Variants in MEP1A observed in about 807,000 individuals in gnomAD.
MEP1A encodes the protein N-benzoyl-L-tyrosyl-P-amino-benzoic acid hydrolase subunit alpha.
Under a neutral mutation model 84.5 loss-of-function variants are expected in MEP1A, and 68 were observed. The observed-to-expected ratio is 0.80, with a 90% CI of 0.66 to 0.98. The LOEUF is 0.98. Ranked by LOEUF, MEP1A falls within the 50% of genes least tolerant of loss-of-function variation. The probability of loss-of-function intolerance (pLI) is 0.00; values close to 1 mark genes in which losing one functional copy is unlikely to be tolerated. For missense variants in MEP1A, 887 were observed against 919.9 expected (o/e 0.96, Z 0.46); for synonymous variants, 337 against 336.8 (o/e 1.00, Z -0.01).
At chr6:46,803,768 C>T (rs1767249583) in intron 5 of MEP1A, among the ~76,000 whole-genome samples, 1 of 151,412 alleles carries the variant, frequency 6.6e-6, no homozygotes, top group Non-Finnish European at 1.5e-5. Context: ...GCTTTACTGC[C>T]TTCTTCAAAT....
intron 10 of MEP1A, among the ~76,000 whole-genome samples, chr6:46,830,247 TAAAAAAAAAAAAAAAA>T (rs56033423): frequency 1.0e-4 from 5 of 50,092 alleles, no homozygotes; most frequent in Middle Eastern, 9.1e-3. Flanking sequence ...AGACTCCATC[TAAAAAAAAAAAAAAAA>T]AAAAAAAAAA....
chr6:46,801,980 A>G (rs1302026465), intron 5 of MEP1A, among the ~76,000 whole-genome samples: 1 of 151,918 alleles, frequency 6.6e-6, no homozygotes, highest in African/African-American at 2.4e-5. Flanking sequence ...CATGTCAAAA[A>G]TCACTATGTT....
chr6:46,806,625 A>G (rs1205972197), intron 5 of MEP1A, among the ~76,000 whole-genome samples: 1 of 151,986 alleles, frequency 6.6e-6, no homozygotes, highest in Non-Finnish European at 1.5e-5. Context: ...AGGGGCTTGG[A>G]GCCTTCTCCC....
At chr6:46,813,441 G>C (rs1562109218) in intron 6 of MEP1A, among the ~76,000 whole-genome samples, 1 of 152,120 alleles carries the variant, frequency 6.6e-6, no homozygotes, top group Non-Finnish European at 1.5e-5. Flanking sequence ...AAGTCTGAAA[G>C]AGTACAAATA....
chr6:46,831,312 A>C (rs1417448272), intron 10 of MEP1A, among the ~76,000 whole-genome samples: 1 of 152,230 alleles, frequency 6.6e-6, no homozygotes. Context: ...CTCCATATGC[A>C]TATCTGTATA....
chr6:46,812,348 G>T (rs1297746782), intron 6 of MEP1A, among the ~76,000 whole-genome samples: 1 of 151,688 alleles, frequency 6.6e-6, no homozygotes, highest in Non-Finnish European at 1.5e-5. Context: ...TGAGCTTATT[G>T]GGATCTTCTG....
chr6:46,843,595 A>T (rs1018081819), downstream of MEP1A, among the ~76,000 whole-genome samples: 1 of 152,226 alleles, frequency 6.6e-6, no homozygotes, highest in Non-Finnish European at 1.5e-5. Flanking sequence ...ATACTAACTA[A>T]CTGCTATTGG....
chr6:46,835,442 C>T lies in MEP1A; in HGVS notation c.1977C>T (p.Gly659=). Reference sequence around the variant, plus strand: ...AGAAGCGGTCGGTGGAGAACACAGGCCCCCTGGAGGACCATAACTGGCCAC... The same window carrying T: ...AGAAGCGGTCGGTGGAGAACACAGGTCCCCTGGAGGACCATAACTGGCCAC... The part of the protein sequence containing the change: ...SRQKRSVENT[G]PLEDHNWPQY... Residue 659 remains glycine, a synonymous_variant, in exon 13 of 14, where the codon GGC becomes GGT. Coordinates refer to ENST00000230588, the MANE Select transcript of MEP1A (RefSeq NM_005588.3). 2 of 1,612,300 alleles carry T rather than the reference C, an allele frequency of 1.2e-6. No individual in the cohort carries two copies. Among genetic ancestry groups the T allele is most frequent in the Non-Finnish European group, 1.7e-6 (2 of 1,179,266 alleles).
the MEP1A span, among the ~76,000 whole-genome samples, chr6:46,845,387 G>T: frequency 6.6e-6 from 1 of 152,324 alleles, no homozygotes; most frequent in South Asian, 2.1e-4. Flanking sequence ...AAAGTATCTG[G>T]ATTTCTGAGA....
Position 46,809,529 on chromosome 6 carries a change from G to C in MEP1A, c.372G>C (p.Gln124His), listed in dbSNP as rs1486494379. 6.3e-7 allele frequency: 1 copy of C among 1,587,754 alleles called. No homozygotes were observed. Among genetic ancestry groups the C allele is most frequent in the African/African-American group, 1.3e-5 (1 of 74,162 alleles). The change falls in exon 6 of 14, where the codon CAG becomes CAC. Residue 124 changes from glutamine to histidine, a missense_variant. Transcript: ENST00000230588. The part of the protein sequence containing the change: ...EGESSYIIFQ[Q>H]FDGCWSEVGD... ...AGAGCTCATATATCATATTTCAACAGTTTGATGGGTTGGTATGAAATTTTA... is the reference window on the plus strand; with the variant it reads ...AGAGCTCATATATCATATTTCAACACTTTGATGGGTTGGTATGAAATTTTA...
At chr6:46,819,086 G>A (rs1338734932) in intron 6 of MEP1A, among the ~76,000 whole-genome samples, 1 of 152,184 alleles carries the variant, frequency 6.6e-6, no homozygotes, top group African/African-American at 2.4e-5. Context: ...GCACTGCACA[G>A]CAACCTGAGT....
At chr6:46,811,226 G>T (rs1404492615) in intron 6 of MEP1A, among the ~76,000 whole-genome samples, 1 of 151,854 alleles carries the variant, frequency 6.6e-6, no homozygotes, top group South Asian at 2.1e-4. Flanking sequence ...TTTATATTTT[G>T]CAGCTATTGT....
chr6:46,833,405 G>C lies in MEP1A; in HGVS notation c.1476G>C (p.Glu492Asp). 1 of 1,614,190 alleles carries C rather than the reference G, an allele frequency of 6.2e-7. No individual in the cohort carries two copies. The highest frequency in any genetic ancestry group is 8.5e-7 in the Non-Finnish European group (1 of 1,180,034). ...LRLAFHVCSG[E>D]NDAILEWPVE... is the part of the protein sequence containing the mutation. ...TTGCTTTTCATGTGTGCAGTGGGGA[G>C]AACGATGCTATCCTGGAGTGGCCGG... Residue 492 changes from glutamate (E) to aspartate (D), a missense_variant, in exon 11 of 14, where the codon GAG becomes GAC. Physicochemically the swap from Glu to Asp is conservative, Grantham distance 45 (BLOSUM62 2). Coordinates refer to ENST00000230588, the MANE Select transcript of MEP1A (RefSeq NM_005588.3).
At chr6:46,809,097 T>C (rs1272829870) in intron 5 of MEP1A, among the ~76,000 whole-genome samples, 1 of 151,996 alleles carries the variant, frequency 6.6e-6, no homozygotes, top group Non-Finnish European at 1.5e-5. Flanking sequence ...TCTGCTTCAG[T>C]GGGGGAAAGG....
chr6:46,824,895 ATATATATAAAT>A (rs1298150825), intron 7 of MEP1A, among the ~76,000 whole-genome samples: 1 of 74,276 alleles, frequency 1.3e-5, no homozygotes, highest in Non-Finnish European at 2.2e-5. Flanking sequence ...TATATAAATT[ATATATATAAAT>A]TATATATTTA....
intron 7 of MEP1A, among the ~76,000 whole-genome samples, chr6:46,823,517 C>T (rs189148655): frequency 9.9e-5 from 15 of 152,280 alleles, no homozygotes; most frequent in Admixed American, 9.2e-4. Flanking sequence ...GAGGCTGAGG[C>T]AGGAGAATTG....
At chr6:46,843,681 CTG>C (rs1396002178), downstream of MEP1A, among the ~76,000 whole-genome samples, 1 of 152,192 alleles carries the variant, frequency 6.6e-6, no homozygotes, top group African/African-American at 2.4e-5. Context: ...CCCCTGCAGG[CTG>C]TATACAGTGT....
chr6:46,815,414 G>A lies in MEP1A; in HGVS notation c.381-4115G>A, dbSNP rs150499166. Among the ~76,000 whole-genome samples, 1,169 of 152,270 alleles carry A rather than the reference G, an allele frequency of 7.7e-3. 17 individuals are homozygous for A. The highest frequency in any genetic ancestry group is 0.025 in the African/African-American group (1,045 of 41,542). ...GCCTCACCCTGCTCCCATGCAGCCCGCAGTCCTAAAGGCTGGGCTTATTCC... is the reference window on the plus strand; with the variant it reads ...GCCTCACCCTGCTCCCATGCAGCCCACAGTCCTAAAGGCTGGGCTTATTCC... On this transcript the variant is annotated intron_variant, in intron 6 of 13. Transcript: ENST00000230588.
In MEP1A at chr6:46,826,134, GT is replaced by G. The variant is rs369568027; in HGVS notation, c.779-212del. On this transcript the variant is annotated intron_variant, in intron 8 of 13. Transcript: ENST00000230588. ...ATTTACATGGCAGAGAATGATTATA[GT>G]TTTTTTTATCTTGACTCTGTGAGGT... Among the ~76,000 whole-genome samples the G allele has an allele frequency of 3.6e-4, 54 of 152,052 alleles. No individual in the cohort carries two copies. In the South Asian group the frequency reaches 1.0e-2, roughly 28 times the overall value.
Sources: allele counts gnomAD v4.1 joint callset (sites outside exome capture counted in the v4.1 genomes callset), GRCh38; gene constraint gnomAD v4.1.1; transcripts MANE v1.5; gene names NCBI Gene and HGNC (gene_info 2026-07-23, HGNC 2026-07-21).